The following ZNF426 variants were observed in gnomAD, a reference collection of about 807,000 sequenced individuals.
ZNF426 encodes CTC-543D15.7.
In ZNF426, 23 loss-of-function variants were observed where a neutral mutation model predicts 24.0. The observed-to-expected ratio is 0.96, with a 90% confidence interval of 0.69 to 1.36. The LOEUF is 1.36. ZNF426 is among the 40% of genes most tolerant of loss of function. ZNF426 has a pLI of 0.00. For missense variants in ZNF426, 646 were observed against 658.4 expected (o/e 0.98, Z 0.21); for synonymous variants, 272 against 224.6 (o/e 1.21, Z -1.89).
Position 9,528,596 on chromosome 19 carries a change from C to T in ZNF426, c.1449G>A (p.Lys483=). 1 of 1,613,180 alleles carries T rather than the reference C, an allele frequency of 6.2e-7. No individual in the cohort carries two copies. The highest frequency in any genetic ancestry group is 2.2e-5 in the East Asian group (1 of 44,760). The change falls in exon 8 of 8, where the codon AAG becomes AAA. Residue 483 remains lysine, a synonymous_variant. Coordinates refer to ENST00000253115, the MANE Select transcript of ZNF426 (RefSeq NM_024106.3). ...EKPYECKQCG[K]AFSHSSSFQI... ...GAAATGAACTGGAATGACTGAAGGC[C>T]TTTCCACATTGTTTACACTCATAGG...
chr19:9,528,875 C>T lies in ZNF426; in HGVS notation c.1170G>A (p.Lys390=). ...IQHIRTHTGE[K]PFVCVECGKA... ...TCCCACATTCAACACATACAAAAGG[C>T]TTCTCTCCAGTGTGAGTTCTTATAT... Residue 390 remains lysine, a synonymous_variant, in exon 8 of 8, where the codon AAG becomes AAA. Transcript: ENST00000253115. 4 of 1,613,446 alleles carry T rather than the reference C, an allele frequency of 2.5e-6. No individual in the cohort carries two copies. The highest frequency in any genetic ancestry group is 2.5e-6 in the Non-Finnish European group (3 of 1,179,858).
Position 9,535,256 on chromosome 19 carries a change from C to G in ZNF426, c.49G>C (p.Val17Leu), listed in dbSNP as rs146598543. 427 of 1,613,266 alleles carry G rather than the reference C, an allele frequency of 2.6e-4. No homozygotes were observed. The highest frequency in any genetic ancestry group is 3.3e-4 in the Non-Finnish European group (387 of 1,179,530). The change falls in exon 4 of 8, where the codon GTT (valine) becomes CTT (leucine). Residue 17 changes from valine to leucine, a missense_variant. Transcript: ENST00000253115. ...SHGHYLSGDPVCLHEEKTPAG... is the reference protein window; with the variant it reads ...SHGHYLSGDPLCLHEEKTPAG... ...GGTGTCTTTTCTTCATGAAGGCAAA[C>G]TGGGTCCCCAGAAAGATAATGTCCT...
At position 9,529,304 on chromosome 19, in the gene ZNF426, A is replaced by G; in HGVS notation, c.741T>C (p.Asn247=). 1 of 1,614,094 alleles carries G rather than the reference A, an allele frequency of 6.2e-7. No individual in the cohort carries two copies. Among genetic ancestry groups the G allele is most frequent in the Non-Finnish European group, 8.5e-7 (1 of 1,180,012 alleles). ...TCCTCCATTCGTAGAGTTTTTCTCC[A>G]TTGTGAGTTCTCATATGTGCCTGAA... The part of the protein sequence containing the change: ...SYLQAHMRTH[N]GEKLYEWRNY... Residue 247 remains asparagine, a synonymous_variant, in exon 8 of 8, where the codon AAT becomes AAC. Coordinates refer to ENST00000253115, the MANE Select transcript of ZNF426 (RefSeq NM_024106.3).
chr19:9,529,049 T>C lies in ZNF426; in HGVS notation c.996A>G (p.Gly332=), dbSNP rs138511581. 14 of 1,613,522 alleles carry C rather than the reference T, an allele frequency of 8.7e-6. No individual in the cohort carries two copies. In the East Asian group the frequency reaches 3.1e-4, roughly 36 times the overall value. ...SFQIHGRTHT[G]EKPYVCKECG... ...ATTCCTTACATACATAGGGTTTCTCTCCAGTGTGAGTTCTTCCATGTATCT... is the reference window on the plus strand; with the variant it reads ...ATTCCTTACATACATAGGGTTTCTCCCCAGTGTGAGTTCTTCCATGTATCT... Residue 332 remains glycine (G), a synonymous_variant, in exon 8 of 8, where the codon GGA becomes GGG. Transcript: ENST00000253115.
intron 2 of ZNF426, chr19:9,536,710 G>A (rs2073971297): frequency 2.5e-5 from 5 of 203,880 alleles, no homozygotes; most frequent in Admixed American, 1.1e-4. Flanking sequence ...AATCAAATCT[G>A]CATCCCCAGC....
chr19:9,530,757 C>T (rs926692902), intron 7 of ZNF426, among the ~76,000 whole-genome samples: 63 of 152,138 alleles, frequency 4.1e-4, no homozygotes, highest in African/African-American at 1.5e-3. Context: ...AGCAGTATCT[C>T]GTTTCAAAAA....
chr19:9,525,195 G>A lies in ZNF426; in HGVS notation c.*3185C>T, dbSNP rs1428524609. On this transcript the variant is annotated 3_prime_UTR_variant, in exon 8 of 8. Coordinates refer to ENST00000253115, the MANE Select transcript of ZNF426 (RefSeq NM_024106.3). ...ACCCGGGAGGCGGAGCTTGCAGTGA[G>A]CCGAGATCGCACCACTGCACTCCAG... The A allele has an allele frequency of 6.6e-6, 1 of 151,152 alleles. No homozygotes were observed. Among genetic ancestry groups the A allele is most frequent in the Non-Finnish European group, 1.5e-5 (1 of 67,914 alleles). 9.4% of individuals were successfully genotyped at this position (151,152 alleles called of 1,614,324 possible).
Position 9,528,872 on chromosome 19 carries a change from A to C in ZNF426, c.1173T>G (p.Pro391=). ...QHIRTHTGEK[P]FVCVECGKAF... ...CTTTCCCACATTCAACACATACAAA[A>C]GGCTTCTCTCCAGTGTGAGTTCTTA... The change falls in exon 8 of 8, where the codon CCT becomes CCG. Residue 391 remains proline, a synonymous_variant. Coordinates refer to ENST00000253115, the MANE Select transcript of ZNF426 (RefSeq NM_024106.3). The C allele has an allele frequency of 6.2e-7, 1 of 1,612,828 alleles. No individual in the cohort carries two copies. Among genetic ancestry groups the C allele is most frequent in the Non-Finnish European group, 8.5e-7 (1 of 1,179,638 alleles).
intron 7 of ZNF426, 90 bp from the exon 8 acceptor site, chr19:9,529,726 T>G: frequency 1.6e-6 from 2 of 1,273,378 alleles, no homozygotes; most frequent in South Asian, 3.0e-5. Flanking sequence ...ATAATGGTGA[T>G]TATAATTGAT....
At position 9,529,498 on chromosome 19, in the gene ZNF426, AATCTTTTCC is replaced by A; in HGVS notation, c.538_546del (p.Gly180_Asp182del). The A allele has an allele frequency of 6.2e-7, 1 of 1,613,728 alleles. No homozygotes were observed. The highest frequency in any genetic ancestry group is 1.3e-5 in the African/African-American group (1 of 75,040). ...GAGGTTTTCTCACACAGGGTAAGGA[AATCTTTTCC>A]ATACTGATTACAGTCATGAGTGTTC... On this transcript the variant is annotated inframe_deletion, in exon 8 of 8. Coordinates refer to ENST00000253115, the MANE Select transcript of ZNF426 (RefSeq NM_024106.3).
chr19:9,535,698 G>T, intron 3 of ZNF426, among the ~76,000 whole-genome samples: 1 of 152,000 alleles, frequency 6.6e-6, no homozygotes, highest in African/African-American at 2.4e-5. Context: ...GCCAGGCATG[G>T]TGGCATGTGC....
At chr19:9,536,428 C>G in intron 2 of ZNF426, 72 bp from the exon 3 acceptor site, 1 of 1,419,240 alleles carries the variant, frequency 7.0e-7, no homozygotes, top group African/African-American at 1.4e-5. Context: ...CCGGCTGGGG[C>G]AGTAGCTCAT....
intron 4 of ZNF426, 80 bp downstream of exon 4, chr19:9,535,108 A>C: frequency 9.7e-7 from 1 of 1,034,380 alleles, no homozygotes; most frequent in Non-Finnish European, 1.4e-6. Context: ...AAGTCTGGAG[A>C]CAACTCTGCC....
chr19:9,528,004 TTTG>T lies in ZNF426; in HGVS notation c.*373_*375del. The stretch of plus-strand genomic sequence containing the variant: ...CAAATAATTTTCTTTTTTTTTTTTT[TTTG>T]AGATGGAGTCTCACTCCATCGCCCA... On this transcript the variant is annotated 3_prime_UTR_variant, in exon 8 of 8. Transcript: ENST00000253115. 1 of 158,640 alleles carries T rather than the reference TTTG, an allele frequency of 6.3e-6. No individual in the cohort carries two copies. Among genetic ancestry groups the T allele is most frequent in the South Asian group, 1.9e-4 (1 of 5,262 alleles). 9.8% of individuals were successfully genotyped at this position (158,640 alleles called of 1,614,324 possible). A position where few individuals can be genotyped will look rare whatever the true frequency, so the allele number is the denominator to read the frequency against.
At position 9,528,287 on chromosome 19, in the gene ZNF426, G is replaced by T. The variant is rs1186375923; in HGVS notation, c.*93C>A. ...ACAGGAATTAAGTAATTTTCATGCA[G>T]CTTCTTCTCTCCAGAGTGAGTTCAT... On this transcript the variant is annotated 3_prime_UTR_variant, in exon 8 of 8. Coordinates refer to ENST00000253115, the MANE Select transcript of ZNF426 (RefSeq NM_024106.3). The T allele has an allele frequency of 3.8e-6, 5 of 1,301,680 alleles. No homozygotes were observed. Among genetic ancestry groups the T allele is most frequent in the Non-Finnish European group, 5.3e-6 (5 of 950,126 alleles). 80.6% of individuals were successfully genotyped at this position (1,301,680 alleles called of 1,614,324 possible). A position where few individuals can be genotyped will look rare whatever the true frequency, so the allele number is the denominator to read the frequency against.
Position 9,530,457 on chromosome 19 carries a change from C to CA in ZNF426, c.408+527dup, listed in dbSNP as rs556435692. ...TGACACAGCAAGACCTTGTCTCGAC[C>CA]AAAAAAAAAAAATTCATAGTCTAAG... On this transcript the variant is annotated intron_variant, in intron 7 of 7. Transcript: ENST00000253115. Among the ~76,000 whole-genome samples, 351 of 134,694 alleles carry CA rather than the reference C, an allele frequency of 2.6e-3. 1 individual carries two copies. Among genetic ancestry groups the CA allele is most frequent in the African/African-American group, 6.3e-3 (227 of 36,314 alleles). 88.4% of individuals were successfully genotyped at this position (134,694 alleles called of 152,430 possible). A position where few individuals can be genotyped will look rare whatever the true frequency, so the allele number is the denominator to read the frequency against.
intron 6 of ZNF426, among the ~76,000 whole-genome samples, 192 bp from the exon 7 acceptor site, chr19:9,531,259 C>T (rs186911523): frequency 2.1e-4 from 32 of 152,240 alleles, no homozygotes; most frequent in Admixed American, 5.9e-4. Flanking sequence ...GTGGTGAGCA[C>T]CTGCAATCCC....
At chr19:9,531,089 A>C (rs1218464779) in intron 6 of ZNF426, 22 bp from the exon 7 acceptor site, 2 of 1,600,534 alleles carry the variant, frequency 1.2e-6, no homozygotes, top group Non-Finnish European at 1.7e-6. Context: ...CAGACAAACA[A>C]ATAAAAGGAC....
At chr19:9,536,413 A>T in intron 2 of ZNF426, 57 bp from the exon 3 acceptor site, 1 of 1,477,324 alleles carries the variant, frequency 6.8e-7, no homozygotes, top group Non-Finnish European at 9.1e-7. Context: ...CATCAAACAT[A>T]TACACCGGCT....
Sources: gnomAD v4.1 joint callset for allele counts (sites outside exome capture counted in the v4.1 genomes callset) on GRCh38, gnomAD v4.1.1 for gene constraint, MANE v1.5 for transcripts, NCBI Gene and HGNC (gene_info 2026-07-23, HGNC 2026-07-21) for gene names.